PRMT8: variants seen among roughly 807,000 people sequenced by gnomAD.
PRMT8 encodes the protein protein arginine methyltransferase 8, also known as protein arginine N-methyltransferase 8.
PRMT8 carries 7 observed loss-of-function variants against 47.1 expected under a neutral mutation model. The ratio of observed to expected loss-of-function variants is 0.15; its 90% confidence interval spans 0.08 to 0.28. The LOEUF is 0.28. Among genes scored for constraint, PRMT8 ranks in the 10% least tolerant of loss-of-function variants. The probability of loss-of-function intolerance (pLI) is 1.00; values close to 1 mark genes in which losing one functional copy is unlikely to be tolerated. For missense variants in PRMT8, 237 were observed against 505.4 expected (o/e 0.47, Z 5.09); for synonymous variants, 188 against 186.5 (o/e 1.01, Z -0.07).
At chr12:3,479,741 A>G (rs1246985479) in intron 1 of PRMT8, among the ~76,000 whole-genome samples, 1 of 152,212 alleles carries the variant, frequency 6.6e-6, no homozygotes, top group Non-Finnish European at 1.5e-5. Flanking sequence ...AGAGCACTCA[A>G]TGCCCTTGGC....
At chr12:3,524,743 G>A (rs527300689) in intron 1 of PRMT8, among the ~76,000 whole-genome samples, 53 of 152,084 alleles carry the variant, frequency 3.5e-4, no homozygotes, top group African/African-American at 1.2e-3. Context: ...ATAAGGAAAC[G>A]GGAGAGGGAC....
chr12:3,470,967 T>C lies in PRMT8; in HGVS notation c.49-69639T>C, dbSNP rs527906826. Among the ~76,000 whole-genome samples the C allele has an allele frequency of 2.6e-5, 4 of 152,310 alleles. No homozygotes were observed. In the South Asian group the frequency reaches 8.3e-4, roughly 32 times the overall value. ...CGACTCCCACTCTGACAGTGGGGCT[T>C]TCCTTCAGGCCATCCTGGGCGGAAG... On this transcript the variant is annotated intron_variant, in intron 1 of 9. Coordinates refer to the PRMT8 transcript ENST00000452611.
intron 1 of PRMT8, among the ~76,000 whole-genome samples, chr12:3,484,687 T>C (rs1013156182): frequency 2.0e-5 from 3 of 152,258 alleles, no homozygotes; most frequent in African/African-American, 7.2e-5. Flanking sequence ...CACAAAGCTC[T>C]TTCTCCTAGG....
chr12:3,464,164 A>G (rs886953976), intron 1 of PRMT8, among the ~76,000 whole-genome samples: 3 of 152,184 alleles, frequency 2.0e-5, no homozygotes, highest in Non-Finnish European at 4.4e-5. Flanking sequence ...AAACATTAGC[A>G]GTGAAAGAAA....
chr12:3,433,767 A>G (rs1864707332), intron 1 of PRMT8, among the ~76,000 whole-genome samples: 1 of 152,176 alleles, frequency 6.6e-6, no homozygotes, highest in Non-Finnish European at 1.5e-5. Flanking sequence ...GCATGCCGCC[A>G]TGCCCAGCTA....
In PRMT8 at chr12:3,496,269, G is replaced by A. The variant is rs1356703061; in HGVS notation, c.75+4569G>A. On this transcript the variant is annotated intron_variant, in intron 1 of 9. Coordinates refer to ENST00000382622, the MANE Select transcript of PRMT8 (RefSeq NM_019854.5). ...TGTTCTGTTGACTTGCTGGCCCAGG[G>A]AGAGGGAATAATTACAGGTTGGAAA... Among the ~76,000 whole-genome samples the A allele has an allele frequency of 2.4e-5, 3 of 123,434 alleles. No individual in the cohort carries two copies. The East Asian group carries it at 7.6e-4, about 31-fold the overall frequency. The allele number at this position is 123,434 out of a possible 152,430, so 81.0% of individuals were successfully genotyped here. A position where few individuals can be genotyped will look rare whatever the true frequency, so the allele number is the denominator to read the frequency against.
chr12:3,533,472 C>A (rs1866066463), intron 1 of PRMT8, among the ~76,000 whole-genome samples: 1 of 152,230 alleles, frequency 6.6e-6, no homozygotes, highest in African/African-American at 2.4e-5. Flanking sequence ...TTTAGCTCAT[C>A]AGCAATCGTT....
intron 1 of PRMT8, among the ~76,000 whole-genome samples, chr12:3,536,699 G>T (rs1866124111): frequency 1.3e-5 from 2 of 152,220 alleles, no homozygotes; most frequent in South Asian, 2.1e-4. Context: ...CCCCAGCCAG[G>T]CTGGATGGAG....
rs371782874 is a variant in PRMT8 at position 3,467,067 on chromosome 12, G to C, written c.49-73539G>C. ...CTTGGCTAACACACGGGGAAACCCC[G>C]TCTCTACTAAAAATACAAAAAAATT... On this transcript the variant is annotated intron_variant, in intron 1 of 9. Coordinates refer to the PRMT8 transcript ENST00000452611. Among the ~76,000 whole-genome samples, 7 of 151,814 alleles carry C rather than the reference G, an allele frequency of 4.6e-5. 1 individual carries two copies. The highest frequency in any genetic ancestry group is 1.3e-4 in the Admixed American group (2 of 15,258).
chr12:3,532,207 G>A (rs987998436), intron 1 of PRMT8, among the ~76,000 whole-genome samples: 8 of 151,090 alleles, frequency 5.3e-5, no homozygotes, highest in African/African-American at 1.9e-4. Context: ...AGCCATAAAT[G>A]TGATAGTAGT....
intron 1 of PRMT8, among the ~76,000 whole-genome samples, chr12:3,536,773 G>C (rs934403194): frequency 1.3e-5 from 2 of 152,166 alleles, no homozygotes; most frequent in African/African-American, 2.4e-5. Flanking sequence ...ACACATCCTT[G>C]GAGGAAGGGC....
At chr12:3,542,283 G>A (rs61907696) in intron 2 of PRMT8, among the ~76,000 whole-genome samples, 39,627 of 152,070 alleles carry the variant, frequency 0.26, 5,456 homozygotes, top group East Asian at 0.45. Context: ...GCCTGTGTTC[G>A]GTCCAGAAGG....
chr12:3,524,312 A>G (rs1487508425), intron 1 of PRMT8, among the ~76,000 whole-genome samples: 2 of 152,224 alleles, frequency 1.3e-5, no homozygotes, highest in Admixed American at 6.5e-5. Flanking sequence ...AACAACGCAT[A>G]CAGTGGTCCA....
At position 3,552,494 on chromosome 12, in the gene PRMT8, A is replaced by G. The variant is rs949072942; in HGVS notation, c.418-1157A>G. The G allele has an allele frequency of 3.4e-6, 1 of 298,434 alleles. No homozygotes were observed. Among genetic ancestry groups the G allele is most frequent in the African/African-American group, 2.2e-5 (1 of 45,096 alleles). The allele number at this position is 298,434 out of a possible 1,614,324, so 18.5% of individuals were successfully genotyped here. A position where few individuals can be genotyped will look rare whatever the true frequency, so the allele number is the denominator to read the frequency against. The stretch of plus-strand genomic sequence containing the variant: ...GGCTCCGGGTCGCATGCTCCTCATC[A>G]CTCAACATGGTCGCCTCTTGCAGAT... On this transcript the variant is annotated intron_variant, in intron 3 of 9. Transcript: ENST00000382622. This position sits in a 1 kb window ranked among gnomAD's most constrained non-coding sequence, Gnocchi z 4.5.
intron 1 of PRMT8, among the ~76,000 whole-genome samples, chr12:3,479,457 C>T (rs1439823086): frequency 6.6e-6 from 1 of 152,184 alleles, no homozygotes; most frequent in African/African-American, 2.4e-5. Context: ...TTATTGTCAT[C>T]ATAGGATGTA....
chr12:3,428,978 C>T (rs569860443), intron 1 of PRMT8, among the ~76,000 whole-genome samples: 34 of 152,106 alleles, frequency 2.2e-4, no homozygotes, highest in African/African-American at 8.2e-4. Flanking sequence ...CTTTCCTTGA[C>T]TCCATCTTTG....
chr12:3,510,287 G>A (rs571535847), intron 1 of PRMT8, among the ~76,000 whole-genome samples: 2 of 152,130 alleles, frequency 1.3e-5, no homozygotes, highest in East Asian at 1.9e-4. Context: ...GTGTGCTGTG[G>A]GTCCGACACA....
rs941359326 is a variant in PRMT8 at position 3,580,872 on chromosome 12, A to C, written c.829-2186A>C. On this transcript the variant is annotated intron_variant, in intron 7 of 9. Transcript: ENST00000382622. This position sits in a 1 kb window ranked among gnomAD's most constrained non-coding sequence, Gnocchi z 4.6. ...ATACAGGCAACCAAGGCTTGTCCGA[A>C]GAGTTTTTGAGCTGGAGGACACCTG... Among the ~76,000 whole-genome samples the C allele has an allele frequency of 6.6e-6, 1 of 152,220 alleles. No individual in the cohort carries two copies. The highest frequency in any genetic ancestry group is 1.5e-5 in the Non-Finnish European group (1 of 68,034).
In PRMT8 at chr12:3,493,486, C is replaced by T. The variant is rs781627214; in HGVS notation, c.75+1786C>T. 2.0e-5 allele frequency among the ~76,000 whole-genome samples: 3 copies of T among 152,232 alleles called. No individual in the cohort carries two copies. The highest frequency in any genetic ancestry group is 4.4e-5 in the Non-Finnish European group (3 of 68,052). On this transcript the variant is annotated intron_variant, in intron 1 of 9. Coordinates refer to ENST00000382622, the MANE Select transcript of PRMT8 (RefSeq NM_019854.5). This position sits in a 1 kb window ranked among gnomAD's most constrained non-coding sequence, Gnocchi z 8.2. ...CTCCCTGCATTTCCACCTCACCCCACCCCCGGCTCATTTTTCTAAGAAAAA... is the reference window on the plus strand; with the variant it reads ...CTCCCTGCATTTCCACCTCACCCCATCCCCGGCTCATTTTTCTAAGAAAAA...
Sources: gnomAD v4.1 joint callset for allele counts (sites outside exome capture counted in the v4.1 genomes callset) on GRCh38, gnomAD v4.1.1 for gene constraint, Gnocchi (gnomAD v3.1) non-coding constraint, MANE v1.5 for transcripts, NCBI Gene and HGNC (gene_info 2026-07-23, HGNC 2026-07-21) for gene names.